The following FBH1 variants were observed in gnomAD, a reference collection of about 807,000 sequenced individuals.
The protein encoded by FBH1 is DNA 3'-5' helicase 1.
In FBH1, 43 loss-of-function variants were observed where a neutral mutation model predicts 115.5. That is an observed-to-expected ratio of 0.37 (90% CI 0.29 to 0.48). The LOEUF is 0.48. Among genes scored for constraint, FBH1 ranks in the 20% least tolerant of loss-of-function variants. The pLI is 0.99. For missense variants in FBH1, 1,001 were observed against 1,337.3 expected (o/e 0.75, Z 3.92); for synonymous variants, 524 against 507.8 (o/e 1.03, Z -0.43).
chr10:5,908,412 A>T (rs1302977513), intron 3 of FBH1, among the ~76,000 whole-genome samples: 1 of 152,226 alleles, frequency 6.6e-6, no homozygotes, highest in Non-Finnish European at 1.5e-5. Context: ...CTGAAGCTAT[A>T]GTTTTTCCCA....
rs934921578 is a variant in FBH1, at chr10:5,933,648, T to G, written c.2830-2808T>G. 4.6e-5 allele frequency among the ~76,000 whole-genome samples: 7 copies of G among 151,916 alleles called. No individual in the cohort carries two copies. The highest frequency in any genetic ancestry group is 1.7e-4 in the African/African-American group (7 of 41,366). ...GAAGTGGAGGCACTCTGCTGTTTTT[T>G]TTTTTTTTTTAAAAAACAGAGTCTC... is the stretch of plus-strand genomic sequence containing the variant. On this transcript the variant is annotated intron_variant, in intron 19 of 20. Transcript: ENST00000362091. This position sits in a 1 kb window ranked among gnomAD's most constrained non-coding sequence, Gnocchi z 4.9.
In FBH1 at chr10:5,913,355, T is replaced by A. The variant is rs1302358166; in HGVS notation, c.1212-392T>A. Among the ~76,000 whole-genome samples, 1 of 56,476 alleles carries A rather than the reference T, an allele frequency of 1.8e-5. No individual in the cohort carries two copies. The highest frequency in any genetic ancestry group is 4.7e-5 in the Non-Finnish European group (1 of 21,156). The allele number at this position is 56,476 out of a possible 152,430, so 37.1% of individuals were successfully genotyped here. Reference sequence around the variant, plus strand: ...CCGAGGCTCAGAAAGAGGCTGGTGTTTTATCCACAGGTGTAGTAAGTATCA... The same window carrying A: ...CCGAGGCTCAGAAAGAGGCTGGTGTATTATCCACAGGTGTAGTAAGTATCA... On this transcript the variant is annotated intron_variant, in intron 6 of 20. Transcript: ENST00000362091. The surrounding 1 kb of genome is among the most constrained non-coding windows in gnomAD (Gnocchi z 4.4).
Position 5,925,716 on chromosome 10 carries a change from C to G in FBH1, c.2722+224C>G, listed in dbSNP as rs1373618718. Among the ~76,000 whole-genome samples the G allele has an allele frequency of 6.6e-6, 1 of 152,154 alleles. No individual in the cohort carries two copies. The highest frequency in any genetic ancestry group is 1.9e-4 in the East Asian group (1 of 5,200). On this transcript the variant is annotated intron_variant, in intron 18 of 20. Coordinates refer to ENST00000362091, the MANE Select transcript of FBH1 (RefSeq NM_178150.3). The surrounding 1 kb of genome is among the most constrained non-coding windows in gnomAD (Gnocchi z 4.6). ...TCAAGGTGCACCCCTCTGGGGGCTG[C>G]GTGTGGGATGATGATGTTTGTGGCG...
chr10:5,937,082 T>C lies in FBH1; in HGVS notation c.2962-28T>C, dbSNP rs767406984. 7 of 1,564,934 alleles carry C rather than the reference T, an allele frequency of 4.5e-6. No homozygotes were observed. In the East Asian group the frequency reaches 1.4e-4, roughly 30 times the overall value. ...ATCCATGTTCTTTGGTTGTTCCCCTTAGCTCTCTCTCTTGTCCATCACCAC... is the reference window on the plus strand; with the variant it reads ...ATCCATGTTCTTTGGTTGTTCCCCTCAGCTCTCTCTCTTGTCCATCACCAC... On this transcript the variant is annotated intron_variant, in intron 20 of 20. Transcript: ENST00000362091.
rs374682231 is a variant in FBH1, at chr10:5,924,539, C to T, written c.2596+31C>T. ...GGAAGCAGTTGGTTTTTACCTTCCC[C>T]CTAAGAGGAGGAACAGATGGTCTTC... On this transcript the variant is annotated intron_variant, in intron 17 of 20. Transcript: ENST00000362091. This position sits in a 1 kb window ranked among gnomAD's most constrained non-coding sequence, Gnocchi z 6.2. 7 of 1,603,560 alleles carry T rather than the reference C, an allele frequency of 4.4e-6. No individual in the cohort carries two copies. The African/African-American group carries it at 8.1e-5, about 18-fold the overall frequency.
chr10:5,928,072 CA>C (rs1010342333), intron 19 of FBH1, among the ~76,000 whole-genome samples: 578 of 24,778 alleles, frequency 0.023, 2 homozygotes, highest in East Asian at 0.063. Flanking sequence ...GACTCCATCT[CA>C]AAAAAAAAAA....
Position 5,906,740 on chromosome 10 carries a change from C to A in FBH1, c.753+108C>A. The A allele has an allele frequency of 1.1e-6, 1 of 946,912 alleles. No homozygotes were observed. Among genetic ancestry groups the A allele is most frequent in the Non-Finnish European group, 1.6e-6 (1 of 638,762 alleles). The allele number at this position is 946,912 out of a possible 1,614,324, so 58.7% of individuals were successfully genotyped here. ...TTCAGAAATGGTTTCCATTTGCCTT[C>A]AGAAGACATTCAGACTCCTTAGAGG... On this transcript the variant is annotated intron_variant, in intron 3 of 20. Coordinates refer to ENST00000362091, the MANE Select transcript of FBH1 (RefSeq NM_178150.3). The surrounding 1 kb of genome is among the most constrained non-coding windows in gnomAD (Gnocchi z 7.3).
At chr10:5,928,374 C>T (rs1434261737) in intron 19 of FBH1, 1 of 152,204 alleles carries the variant, frequency 6.6e-6, no homozygotes, top group African/African-American at 2.4e-5. Flanking sequence ...TGGTCTCGAA[C>T]TCCTGGCTAA....
Sources: gnomAD v4.1 joint callset for allele counts (sites outside exome capture counted in the v4.1 genomes callset) on GRCh38, gnomAD v4.1.1 for gene constraint, Gnocchi (gnomAD v3.1) non-coding constraint, MANE v1.5 for transcripts, NCBI Gene and HGNC (gene_info 2026-07-23, HGNC 2026-07-21) for gene names.